Variants in TTC14 observed in about 807,000 individuals in gnomAD.
TTC14 encodes tetratricopeptide repeat domain 14, also known as tetratricopeptide repeat protein 14.
In TTC14, 63 loss-of-function variants were observed where a neutral mutation model predicts 79.9. The observed-to-expected ratio is 0.79, with a 90% CI of 0.64 to 0.97. The LOEUF is 0.97. Among genes scored for constraint, TTC14 ranks in the 50% least tolerant of loss-of-function variants. The pLI is 0.00. For missense variants in TTC14, 895 were observed against 894.0 expected, an observed-to-expected ratio of 1.00 and a Z score of -0.01; for synonymous variants, 335 against 309.6, an observed-to-expected ratio of 1.08 and a Z score of -0.86.
Position 180,606,362 on chromosome 3 carries a change from C to A in TTC14, c.1039C>A (p.Arg347Ser), listed in dbSNP as rs1304311939. The A allele has an allele frequency of 6.2e-7, 1 of 1,613,830 alleles. No homozygotes were observed. Among genetic ancestry groups the A allele is most frequent in the African/African-American group, 1.3e-5 (1 of 74,888 alleles). The change falls in exon 8 of 12, where the codon CGT becomes AGT. Residue 347 changes from arginine to serine, a missense_variant. Arg to Ser is a moderately radical substitution (Grantham distance 110). Transcript: ENST00000296015. Reference protein sequence around the residue: ...DKQNVEALVARGALYATKGSL... With the variant: ...DKQNVEALVASGALYATKGSL... ...ACAAAACGTGGAAGCTTTGGTAGCT[C>A]GTGGAGCATTGTAAGTGAATCATAC... is the stretch of plus-strand genomic sequence containing the variant.
At chr3:180,612,798 T>G (rs1417484897), downstream of TTC14, among the ~76,000 whole-genome samples, 1 of 152,018 alleles carries the variant, frequency 6.6e-6, no homozygotes, top group Admixed American at 6.6e-5. Flanking sequence ...GCAAAAGAAA[T>G]AACACAGTGA....
At position 180,604,870 on chromosome 3, in the gene TTC14, T is replaced by C; in HGVS notation, c.720T>C (p.Asn240=). 3.1e-6 allele frequency: 5 copies of C among 1,612,250 alleles called. No individual in the cohort carries two copies. The highest frequency in any genetic ancestry group is 4.2e-6 in the Non-Finnish European group (5 of 1,179,466). The stretch of plus-strand genomic sequence containing the variant: ...TTTTAAGGAGAAGTGTTGAGCTAAA[T>C]AGCAATTCTTTGGAGTCCTATGAAA... ...PLYYRRSVEL[N]SNSLESYENV... is the part of the protein sequence containing the mutation. Residue 240 remains asparagine, a synonymous_variant, in exon 6 of 12, where the codon AAT becomes AAC. Transcript: ENST00000296015.
chr3:180,614,957 G>A, downstream of TTC14: 1 of 1,566,564 alleles, frequency 6.4e-7, no homozygotes. Context: ...CATTACTAGA[G>A]CTACTACTAG....
chr3:180,602,835 A>G, intron 1 of TTC14, 56 bp from the exon 2 acceptor site: 1 of 1,552,732 alleles, frequency 6.4e-7, no homozygotes. Context: ...AGAAGGTTAG[A>G]AGTAAAGAGG....
Position 180,608,840 on chromosome 3 carries a change from TTAAGGCAAC to T in TTC14, c.1400+33_1400+41del, listed in dbSNP as rs1231021287. 2.1e-6 allele frequency: 3 copies of T among 1,429,800 alleles called. No individual in the cohort carries two copies. The African/African-American group carries it at 4.4e-5, about 21-fold the overall frequency. The allele number at this position is 1,429,800 out of a possible 1,614,324, so 88.6% of individuals were successfully genotyped here. On this transcript the variant is annotated intron_variant, in intron 11 of 11. Transcript: ENST00000296015. ...ACTATAATATTCAGTATTTTTAAAC[TTAAGGCAAC>T]TACTGAATTGAACCCAAAGTGCCAT...
downstream of TTC14, chr3:180,611,142 C>G (rs182553370): frequency 1.0e-6 from 1 of 985,180 alleles, no homozygotes; most frequent in African/African-American, 1.7e-5. Flanking sequence ...TGGCTTCCAC[C>G]CAGCATAAGT....
intron 5 of TTC14, 56 bp downstream of exon 5, chr3:180,604,663 G>C (rs1445191005): frequency 6.5e-7 from 1 of 1,533,720 alleles, no homozygotes; most frequent in Non-Finnish European, 8.8e-7. Flanking sequence ...CTTGGATTGA[G>C]GAATACCACA....
chr3:180,614,235 G>C (rs559363718), downstream of TTC14: 1 of 159,986 alleles, frequency 6.3e-6, no homozygotes, highest in Admixed American at 6.1e-5. Context: ...TTTATACTTG[G>C]TTGGCTGTAT....
At chr3:180,616,151 T>G in intron 12 of TTC14, 1 of 738,946 alleles carries the variant, frequency 1.4e-6, no homozygotes, top group Non-Finnish European at 2.4e-6. Context: ...GTGAGATGTC[T>G]GACAGTGAAA....
chr3:180,617,428 G>T (rs1029773233), exon 13 of TTC14: 1 of 675,886 alleles, frequency 1.5e-6, no homozygotes, highest in Non-Finnish European at 2.7e-6. Flanking sequence ...CCTCAGGCAG[G>T]TCCTTCAGGA....
intron 10 of TTC14, chr3:180,608,067 C>A: frequency 9.4e-7 from 1 of 1,063,336 alleles, no homozygotes; most frequent in Non-Finnish European, 1.1e-6. Context: ...TATAATTGAG[C>A]TAATTATAAA....
At chr3:180,602,692 C>A (rs1716435092) in intron 1 of TTC14, 199 bp from the exon 2 acceptor site, 1 of 711,406 alleles carries the variant, frequency 1.4e-6, no homozygotes, top group Non-Finnish European at 2.2e-6. Context: ...GAGTTGGAGG[C>A]GTCACTTTTT....
chr3:180,613,938 C>T (rs1453628336), downstream of TTC14: 2 of 433,234 alleles, frequency 4.6e-6, no homozygotes, highest in African/African-American at 4.1e-5. Context: ...GTACAAACAA[C>T]AGTTCTAAAA....
intron 6 of TTC14, 145 bp downstream of exon 6, chr3:180,605,152 T>C: frequency 3.0e-6 from 2 of 669,956 alleles, no homozygotes; most frequent in Non-Finnish European, 4.8e-6. Flanking sequence ...GGTGATCCCA[T>C]CTTCTGGACT....
downstream of TTC14, chr3:180,614,404 C>G (rs1717140367): frequency 6.6e-6 from 1 of 151,866 alleles, no homozygotes; most frequent in African/African-American, 2.4e-5. Context: ...GGGGTTGATG[C>G]TATTTTTTGG....
At chr3:180,613,376 T>C (rs1024277724), downstream of TTC14, among the ~76,000 whole-genome samples, 1 of 152,216 alleles carries the variant, frequency 6.6e-6, no homozygotes, top group Non-Finnish European at 1.5e-5. Flanking sequence ...ATTACTACAC[T>C]GAAGTTGTTA....
chr3:180,604,964 A>G lies in TTC14; in HGVS notation c.814A>G (p.Ile272Val), dbSNP rs929361499. Residue 272 changes from isoleucine to valine, a missense_variant, in exon 6 of 12, where the codon ATA becomes GTA. By Grantham distance (29) the Ile-to-Val change is conservative. Transcript: ENST00000296015. ...VVEFLLEKLG[I>V]DESNPPSLMR... ...TGAATTCCTTCTAGAAAAACTAGGA[A>G]TAGATGAATCTAATCCACCATCTTT... is the stretch of plus-strand genomic sequence containing the variant. 6.2e-7 allele frequency: 1 copy of G among 1,613,820 alleles called. No homozygotes were observed. Among genetic ancestry groups the G allele is most frequent in the Non-Finnish European group, 8.5e-7 (1 of 1,179,758 alleles).
chr3:180,611,137 TC>T, downstream of TTC14: 1 of 985,386 alleles, frequency 1.0e-6, no homozygotes, highest in South Asian at 4.7e-5. Flanking sequence ...GTCATTGGCT[TC>T]CACCCAGCAT....
chr3:180,604,735 C>T lies in TTC14; in HGVS notation c.702-117C>T, dbSNP rs146332695. The T allele has an allele frequency of 1.9e-3, 2,657 of 1,404,792 alleles. 3 individuals carry two copies. The highest frequency in any genetic ancestry group is 2.4e-3 in the Non-Finnish European group (2,441 of 1,037,806). The allele number at this position is 1,404,792 out of a possible 1,614,324, so 87.0% of individuals were successfully genotyped here. Reference sequence around the variant, plus strand: ...AGGAAACCATATCATAATATTGCCACACCATCTTATGCAAAAAATGGAATT... The same window carrying T: ...AGGAAACCATATCATAATATTGCCATACCATCTTATGCAAAAAATGGAATT... On this transcript the variant is annotated intron_variant, in intron 5 of 11. Transcript: ENST00000296015.
Sources: allele counts gnomAD v4.1 joint callset (sites outside exome capture counted in the v4.1 genomes callset), GRCh38; gene constraint gnomAD v4.1.1; transcripts MANE v1.5; gene names NCBI Gene and HGNC (gene_info 2026-07-23, HGNC 2026-07-21).